ZNF385D: variants seen among roughly 807,000 people sequenced by gnomAD.
ZNF385D encodes zinc finger protein 659.
Under a neutral mutation model 35.8 loss-of-function variants are expected in ZNF385D, and 15 were observed. That is an observed-to-expected ratio of 0.42 (90% CI 0.28 to 0.64). ZNF385D has a LOEUF of 0.64. ZNF385D is among the 30% of genes least tolerant of loss of function. The pLI is 0.23. For synonymous variants in ZNF385D, 212 were observed against 186.8 expected, an observed-to-expected ratio of 1.13 and a Z score of -1.10; for missense variants, 474 against 494.6, an observed-to-expected ratio of 0.96 and a Z score of 0.39.
At chr3:22,214,832 G>A (rs1194201142) in intron 2 of ZNF385D, among the ~76,000 whole-genome samples, 3 of 151,910 alleles carry the variant, frequency 2.0e-5, no homozygotes, top group South Asian at 2.1e-4. Context: ...CTGGTCCTGT[G>A]GTCCTGTAAT....
chr3:21,857,729 C>T (rs1696807604), intron 3 of ZNF385D, among the ~76,000 whole-genome samples: 1 of 151,884 alleles, frequency 6.6e-6, no homozygotes, highest in Non-Finnish European at 1.5e-5. Context: ...GACTCTCTTA[C>T]TGATGCTGTT....
At chr3:22,012,700 G>C (rs1031176895) in intron 3 of ZNF385D, among the ~76,000 whole-genome samples, 10 of 152,132 alleles carry the variant, frequency 6.6e-5, no homozygotes, top group Admixed American at 2.6e-4. Flanking sequence ...TTCTAGTCTT[G>C]GGAAACTTCA....
chr3:21,770,114 G>C lies in ZNF385D; in HGVS notation c.326-105086C>G, dbSNP rs1305998105. On this transcript the variant is annotated intron_variant, in intron 3 of 5. Transcript: ENST00000494108. ...AGATGGATTAAAGACTTACATGTTA[G>C]ACCTAAAACCATACAAACCCTAGAA... Among the ~76,000 whole-genome samples the C allele has an allele frequency of 7.9e-5, 12 of 152,132 alleles. No individual in the cohort carries two copies. The East Asian group carries it at 2.3e-3, about 29-fold the overall frequency.
intron 3 of ZNF385D, among the ~76,000 whole-genome samples, chr3:22,149,384 T>C (rs1472177878): frequency 2.6e-5 from 4 of 152,188 alleles, no homozygotes; most frequent in Non-Finnish European, 4.4e-5. Flanking sequence ...AATTACCCTA[T>C]TTAATGTTAA....
intron 2 of ZNF385D, among the ~76,000 whole-genome samples, chr3:22,182,695 T>A (rs1195665100): frequency 6.6e-6 from 1 of 152,108 alleles, no homozygotes. Context: ...ATTATCCAAA[T>A]AAGTTTGAAA....
intron 2 of ZNF385D, among the ~76,000 whole-genome samples, chr3:22,337,469 G>A (rs1441518249): frequency 1.3e-5 from 2 of 152,128 alleles, no homozygotes; most frequent in Non-Finnish European, 2.9e-5. Context: ...GGGAAGCGGA[G>A]GTTGCAGTGA....
At position 22,101,485 on chromosome 3, in the gene ZNF385D, C is replaced by T. The variant is rs115583566; in HGVS notation, c.325+67332G>A. Among the ~76,000 whole-genome samples the T allele has an allele frequency of 5.9e-3, 901 of 152,142 alleles. 9 individuals are homozygous for T. Among genetic ancestry groups the T allele is most frequent in the African/African-American group, 0.021 (854 of 41,524 alleles). ...ACGTATTTGTCATATTGCTAGTAAT[C>T]AGCAGATGTAAGGTTTAAACGTTAA... On this transcript the variant is annotated intron_variant, in intron 3 of 5. Coordinates refer to the ZNF385D transcript ENST00000494108.
At chr3:21,851,957 A>G (rs1049447972) in intron 3 of ZNF385D, among the ~76,000 whole-genome samples, 3 of 151,978 alleles carry the variant, frequency 2.0e-5, no homozygotes, top group African/African-American at 7.2e-5. Flanking sequence ...ACAATTTCCA[A>G]TCATTTATTA....
chr3:22,297,938 A>G (rs999300142), intron 2 of ZNF385D, among the ~76,000 whole-genome samples: 7 of 152,198 alleles, frequency 4.6e-5, no homozygotes, highest in Admixed American at 4.6e-4. Flanking sequence ...GCATCTATAA[A>G]TATGTTTCTA....
At chr3:21,965,117 G>T (rs1026098972) in intron 3 of ZNF385D, among the ~76,000 whole-genome samples, 7 of 152,124 alleles carry the variant, frequency 4.6e-5, no homozygotes, top group African/African-American at 1.7e-4. Context: ...GAAGAGAAGA[G>T]ATCTATGATG....
chr3:22,089,803 A>G (rs896134603), intron 3 of ZNF385D, among the ~76,000 whole-genome samples: 3 of 152,080 alleles, frequency 2.0e-5, no homozygotes, highest in East Asian at 3.9e-4. Context: ...CAAATCCTCC[A>G]TGACTTCAAC....
At chr3:22,163,128 A>C (rs982039031) in intron 3 of ZNF385D, among the ~76,000 whole-genome samples, 2 of 152,124 alleles carry the variant, frequency 1.3e-5, no homozygotes, top group Non-Finnish European at 2.9e-5. Flanking sequence ...ACAGGCTGCT[A>C]TAAGAGAAGG....
intron 1 of ZNF385D, among the ~76,000 whole-genome samples, chr3:21,709,568 T>C (rs1327981372): frequency 1.3e-5 from 2 of 152,176 alleles, no homozygotes; most frequent in African/African-American, 4.8e-5. Flanking sequence ...ATTTCCCAAG[T>C]CTTTTCAATA....
At chr3:21,770,147 T>C (rs80288061) in intron 3 of ZNF385D, among the ~76,000 whole-genome samples, 10,171 of 152,164 alleles carry the variant, frequency 0.067, 662 homozygotes, top group East Asian at 0.34. Context: ...GAAGAAAACC[T>C]AGGCAATATC....
At chr3:21,878,252 C>A (rs772194565) in intron 3 of ZNF385D, 2 of 151,818 alleles carry the variant, frequency 1.3e-5, no homozygotes, top group African/African-American at 4.8e-5. Context: ...CTCATAAAAA[C>A]GAGAGTTTGG....
intron 3 of ZNF385D, among the ~76,000 whole-genome samples, chr3:21,534,531 G>T (rs1178286239): frequency 6.6e-6 from 1 of 152,060 alleles, no homozygotes; most frequent in East Asian, 1.9e-4. Flanking sequence ...GAGAGCTGGA[G>T]TAGTGCTTTT....
At chr3:21,538,536 T>C (rs895036777) in intron 3 of ZNF385D, among the ~76,000 whole-genome samples, 3 of 152,136 alleles carry the variant, frequency 2.0e-5, no homozygotes, top group African/African-American at 4.8e-5. Context: ...CTGCTTCCAC[T>C]GAGGTTTTAA....
intron 6 of ZNF385D, 100 bp from the exon 7 acceptor site, chr3:21,424,164 G>T: frequency 9.4e-7 from 1 of 1,064,610 alleles, no homozygotes; most frequent in Non-Finnish European, 1.3e-6. Context: ...ATTATTTCAT[G>T]CAAGTTTCAG....
intron 3 of ZNF385D, among the ~76,000 whole-genome samples, chr3:21,890,164 C>T (rs1398000938): frequency 2.0e-5 from 3 of 152,042 alleles, no homozygotes; most frequent in Non-Finnish European, 2.9e-5. Flanking sequence ...CCTACAAACC[C>T]TAATATTATG....
Sources: gnomAD v4.1 joint callset for allele counts (sites outside exome capture counted in the v4.1 genomes callset) on GRCh38, gnomAD v4.1.1 for gene constraint, MANE v1.5 for transcripts, NCBI Gene and HGNC (gene_info 2026-07-23, HGNC 2026-07-21) for gene names.